DPT: variants seen among roughly 807,000 people sequenced by gnomAD.
DPT encodes the protein dermatopontin.
DPT carries 21 observed loss-of-function variants against 31.2 expected under a neutral mutation model. The ratio of observed to expected loss-of-function variants is 0.67; its 90% CI spans 0.48 to 0.97. The LOEUF (loss-of-function observed/expected upper bound fraction) is 0.97, where lower values mean the gene tolerates loss of function less well. DPT is among the 50% of genes least tolerant of loss of function. DPT has a pLI of 0.00. For missense variants in DPT, 262 were observed against 258.8 expected, an observed-to-expected ratio of 1.01 and a Z score of -0.08; for synonymous variants, 91 against 86.9, an observed-to-expected ratio of 1.05 and a Z score of -0.26.
At chr1:168,715,405 T>C (rs1649959323) in intron 1 of DPT, among the ~76,000 whole-genome samples, 1 of 152,058 alleles carries the variant, frequency 6.6e-6, no homozygotes, top group Non-Finnish European at 1.5e-5. Flanking sequence ...CTGTTCTTGC[T>C]ACTTATCCAG....
At chr1:168,710,850 A>C (rs1374759842) in intron 2 of DPT, among the ~76,000 whole-genome samples, 1 of 152,166 alleles carries the variant, frequency 6.6e-6, no homozygotes, top group Non-Finnish European at 1.5e-5. Context: ...ATAAACAGAC[A>C]GGATAAGCTT....
chr1:168,702,586 C>T (rs535145135), intron 2 of DPT, among the ~76,000 whole-genome samples: 47 of 150,988 alleles, frequency 3.1e-4, no homozygotes, highest in African/African-American at 1.1e-3. Flanking sequence ...GATCCAGAAG[C>T]AGGACTTTAC....
chr1:168,721,889 G>A (rs998475412), intron 1 of DPT, among the ~76,000 whole-genome samples: 1 of 152,182 alleles, frequency 6.6e-6, no homozygotes, highest in African/African-American at 2.4e-5. Flanking sequence ...GAATTCTGCT[G>A]TCTTCTCCAT....
chr1:168,713,222 T>C (rs1649905306), intron 2 of DPT, among the ~76,000 whole-genome samples: 1 of 152,218 alleles, frequency 6.6e-6, no homozygotes, highest in Admixed American at 6.5e-5. Flanking sequence ...GGAAGCGATT[T>C]TGAAGAACTA....
intron 2 of DPT, among the ~76,000 whole-genome samples, chr1:168,705,266 G>A (rs377715334): frequency 6.6e-6 from 1 of 152,178 alleles, no homozygotes; most frequent in South Asian, 2.1e-4. Flanking sequence ...ACTGAGATGT[G>A]TTTGTTACAG....
intron 1 of DPT, among the ~76,000 whole-genome samples, chr1:168,726,699 T>G (rs1650250836): frequency 6.6e-6 from 1 of 152,348 alleles, no homozygotes; most frequent in East Asian, 1.9e-4. Context: ...GTCGCACCCA[T>G]GCGATAGTGC....
Position 168,726,579 on chromosome 1 carries a change from A to G in DPT, c.305+2291T>C, listed in dbSNP as rs760240957. Among the ~76,000 whole-genome samples, 5 of 152,186 alleles carry G rather than the reference A, an allele frequency of 3.3e-5. No homozygotes were observed. In the East Asian group the frequency reaches 9.6e-4, roughly 29 times the overall value. ...CACACCACAAGTCATTAGAACCAGGATCCAGACCCAGGCCTCCTGATTCAG... is the reference window on the plus strand; with the variant it reads ...CACACCACAAGTCATTAGAACCAGGGTCCAGACCCAGGCCTCCTGATTCAG... On this transcript the variant is annotated intron_variant, in intron 1 of 3. Coordinates refer to ENST00000367817, the MANE Select transcript of DPT (RefSeq NM_001937.5).
chr1:168,703,781 T>C (rs1434304963), intron 2 of DPT, among the ~76,000 whole-genome samples: 1 of 152,118 alleles, frequency 6.6e-6, no homozygotes, highest in Non-Finnish European at 1.5e-5. Context: ...AAGGGAGAAA[T>C]GACCCAAATC....
At chr1:168,726,426 C>A (rs774809171) in intron 1 of DPT, among the ~76,000 whole-genome samples, 40 of 152,200 alleles carry the variant, frequency 2.6e-4, no homozygotes, top group Admixed American at 6.5e-5. Flanking sequence ...CAACAGAATG[C>A]AAGAAAAAGC....
intron 2 of DPT, among the ~76,000 whole-genome samples, chr1:168,707,992 T>C (rs760989880): frequency 2.0e-5 from 3 of 152,166 alleles, no homozygotes; most frequent in East Asian, 1.9e-4. Flanking sequence ...AGGACCCCCA[T>C]GGATACCAAA....
intron 1 of DPT, among the ~76,000 whole-genome samples, chr1:168,719,527 C>T (rs567233435): frequency 3.4e-4 from 51 of 152,102 alleles, no homozygotes; most frequent in Non-Finnish European, 5.7e-4. Context: ...ACTCACTTCA[C>T]AGCACCTGGT....
chr1:168,704,829 C>A (rs996960304), intron 2 of DPT, among the ~76,000 whole-genome samples: 2 of 152,186 alleles, frequency 1.3e-5, no homozygotes, highest in Non-Finnish European at 1.5e-5. Context: ...GAACTGAAGA[C>A]AATTTTAAGA....
At chr1:168,723,161 T>A (rs561674289) in intron 1 of DPT, among the ~76,000 whole-genome samples, 3 of 152,328 alleles carry the variant, frequency 2.0e-5, no homozygotes, top group East Asian at 3.9e-4. Flanking sequence ...CTTAGGTGGA[T>A]TTGATATCTT....
chr1:168,708,266 T>A (rs796072145), intron 2 of DPT, among the ~76,000 whole-genome samples: 2 of 152,322 alleles, frequency 1.3e-5, no homozygotes, highest in African/African-American at 4.8e-5. Context: ...ACCCCAGATA[T>A]GGAGTGCCAA....
Position 168,721,492 on chromosome 1 carries a change from GA to G in DPT, c.306-7147del, listed in dbSNP as rs552874714. Among the ~76,000 whole-genome samples, 18 of 152,238 alleles carry G rather than the reference GA, an allele frequency of 1.2e-4. 1 individual carries two copies. In the South Asian group the frequency reaches 3.7e-3, roughly 32 times the overall value. On this transcript the variant is annotated intron_variant, in intron 1 of 3. Transcript: ENST00000367817. ...GAAAGACAGGCTACATCCTAGTCAC[GA>G]AACATCACTTTCAGTAAATATTGGA...
At chr1:168,720,039 A>G (rs889415130) in intron 1 of DPT, among the ~76,000 whole-genome samples, 1 of 152,200 alleles carries the variant, frequency 6.6e-6, no homozygotes, top group East Asian at 1.9e-4. Flanking sequence ...TGTATCTGCA[A>G]TAGTAAAACA....
At chr1:168,728,810 A>C (rs1650307347) in intron 1 of DPT, 60 bp downstream of exon 1, 21 of 1,574,010 alleles carry the variant, frequency 1.3e-5, no homozygotes, top group Non-Finnish European at 1.7e-5. Context: ...AGCAGCCCCC[A>C]GGAGGAGGGA....
At chr1:168,707,038 T>A (rs1649733917) in intron 2 of DPT, among the ~76,000 whole-genome samples, 1 of 152,302 alleles carries the variant, frequency 6.6e-6, no homozygotes, top group African/African-American at 2.4e-5. Context: ...CCTGTAGAAG[T>A]CTTATTCCTC....
intron 2 of DPT, among the ~76,000 whole-genome samples, chr1:168,703,459 G>A (rs1258527269): frequency 4.6e-5 from 7 of 152,070 alleles, no homozygotes; most frequent in South Asian, 2.1e-4. Flanking sequence ...TTCATTTTTG[G>A]TAGTGACCAG....
Sources: gnomAD v4.1 joint callset for allele counts (sites outside exome capture counted in the v4.1 genomes callset) on GRCh38, gnomAD v4.1.1 for gene constraint, MANE v1.5 for transcripts, NCBI Gene and HGNC (gene_info 2026-07-23, HGNC 2026-07-21) for gene names.